Variants in RAB3GAP1 observed in about 807,000 individuals in gnomAD.
RAB3GAP1 encodes RAB3 GTPase activating protein catalytic subunit 1.
A neutral mutation model predicts 130.7 loss-of-function variants in RAB3GAP1; 86 were observed. The ratio of observed to expected loss-of-function variants is 0.66; its 90% CI spans 0.55 to 0.79. The LOEUF is 0.79. Ranked by LOEUF, RAB3GAP1 falls within the 30% of genes least tolerant of loss-of-function variation. The pLI, the probability that RAB3GAP1 is intolerant of heterozygous loss-of-function variation, is 0.00. For missense variants in RAB3GAP1, 1,029 were observed against 1,169.4 expected (o/e 0.88, Z 1.75); for synonymous variants, 367 against 401.7 (o/e 0.91, Z 1.03).
At chr2:135,106,597 C>A (rs1690628288) in intron 5 of RAB3GAP1, among the ~76,000 whole-genome samples, 1 of 151,794 alleles carries the variant, frequency 6.6e-6, no homozygotes. Context: ...TCTCAAGTAT[C>A]CAGGGACACA....
intron 3 of RAB3GAP1, chr2:135,058,787 A>G (rs1689090391): frequency 6.6e-6 from 1 of 152,180 alleles, no homozygotes; most frequent in Admixed American, 6.5e-5. Context: ...TTTTAAGTTT[A>G]TGTAGATGCT....
At chr2:135,131,441 A>G (rs1485522380) in intron 13 of RAB3GAP1, among the ~76,000 whole-genome samples, 1 of 152,130 alleles carries the variant, frequency 6.6e-6, no homozygotes. Flanking sequence ...CGTGTTAGCC[A>G]GGATGGTCTC....
intron 11 of RAB3GAP1, among the ~76,000 whole-genome samples, chr2:135,128,511 T>C (rs1399649518): frequency 6.6e-6 from 1 of 152,224 alleles, no homozygotes; most frequent in Admixed American, 6.5e-5. Context: ...TTACTACATA[T>C]TATGTTTACG....
chr2:135,147,979 A>G (rs1260189796), intron 17 of RAB3GAP1, among the ~76,000 whole-genome samples: 1 of 59,954 alleles, frequency 1.7e-5, no homozygotes, highest in East Asian at 1.3e-3. Flanking sequence ...ATTTTTCTTC[A>G]AAAGGCTGTG....
intron 5 of RAB3GAP1, among the ~76,000 whole-genome samples, chr2:135,107,975 CAAAAAAAAA>C (rs59782185): frequency 9.6e-5 from 5 of 51,954 alleles, no homozygotes; most frequent in African/African-American, 2.8e-4. Context: ...AACTCCATCT[CAAAAAAAAA>C]AAAAAAAAAA....
chr2:135,120,836 A>C lies in RAB3GAP1; in HGVS notation c.666A>C (p.Pro222=). The change falls in exon 8 of 24, where the codon CCA becomes CCC. Residue 222 remains proline, a synonymous_variant. Transcript: ENST00000264158. ...FKSKIGCPLT[P]LPPVSIAIRF... ...TTTCCTAGGGATGTCCTTTAACTCC[A>C]TTGCCTCCAGTTAGTATTGCTATTC... The C allele has an allele frequency of 6.2e-7, 1 of 1,611,204 alleles. No individual in the cohort carries two copies. The highest frequency in any genetic ancestry group is 1.7e-5 in the Admixed American group (1 of 60,014).
chr2:135,157,789 G>A (rs543089006), intron 19 of RAB3GAP1, among the ~76,000 whole-genome samples: 160 of 146,428 alleles, frequency 1.1e-3, no homozygotes, highest in African/African-American at 2.9e-3. Flanking sequence ...CCGAGATCGT[G>A]TCACTGCACT....
intron 3 of RAB3GAP1, among the ~76,000 whole-genome samples, chr2:135,063,445 A>G (rs1401661462): frequency 6.6e-6 from 1 of 152,010 alleles, no homozygotes; most frequent in Non-Finnish European, 1.5e-5. Context: ...CATCAGCTCA[A>G]ACTGAAACTA....
chr2:135,095,312 C>T (rs1016217410), intron 5 of RAB3GAP1, among the ~76,000 whole-genome samples: 7 of 152,076 alleles, frequency 4.6e-5, no homozygotes, highest in South Asian at 2.1e-4. Flanking sequence ...CCTCCCAAAG[C>T]GCTGGGATTA....
intron 7 of RAB3GAP1, among the ~76,000 whole-genome samples, chr2:135,116,865 A>G (rs887018095): frequency 6.6e-6 from 1 of 152,130 alleles, no homozygotes; most frequent in Non-Finnish European, 1.5e-5. Flanking sequence ...AGGTTTGAGA[A>G]TTTTCAAAAG....
At chr2:135,146,925 G>T (rs1056869189) in intron 17 of RAB3GAP1, among the ~76,000 whole-genome samples, 2 of 151,672 alleles carry the variant, frequency 1.3e-5, no homozygotes, top group Non-Finnish European at 2.9e-5. Flanking sequence ...CTGAGGTGAT[G>T]AATACATTCA....
downstream of RAB3GAP1, among the ~76,000 whole-genome samples, chr2:135,172,019 T>A (rs1321946674): frequency 6.6e-6 from 1 of 152,020 alleles, no homozygotes; most frequent in Non-Finnish European, 1.5e-5. Context: ...GGAAAGAAAG[T>A]TGCACACGTG....
intron 3 of RAB3GAP1, among the ~76,000 whole-genome samples, chr2:135,065,579 G>A (rs1689294635): frequency 6.6e-6 from 1 of 151,962 alleles, no homozygotes; most frequent in South Asian, 2.1e-4. Flanking sequence ...ATCATTATTT[G>A]TAATGAATTA....
chr2:135,060,655 C>T (rs544109996), intron 3 of RAB3GAP1, among the ~76,000 whole-genome samples: 2 of 151,740 alleles, frequency 1.3e-5, no homozygotes, highest in African/African-American at 4.8e-5. Context: ...CCTTAGTGAC[C>T]CTTTCTAGTT....
Position 135,115,331 on chromosome 2 carries a change from A to G in RAB3GAP1, c.598A>G (p.Asn200Asp). 2 of 1,613,870 alleles carry G rather than the reference A, an allele frequency of 1.2e-6. No individual in the cohort carries two copies. Among genetic ancestry groups the G allele is most frequent in the South Asian group, 2.2e-5 (2 of 91,078 alleles). ...FEMVHLRKVP[N>D]QYTHLSGLLD... ...AATGGTTCATCTTAGAAAAGTGCCA[A>G]ATCAGTACACTCACTTATCAGGTCT... Residue 200 changes from asparagine (N) to aspartate (D), a missense_variant, in exon 7 of 24, where the codon AAT becomes GAT. Physicochemically the swap from Asn to Asp is conservative, Grantham distance 23. Coordinates refer to ENST00000264158, the MANE Select transcript of RAB3GAP1 (RefSeq NM_012233.3).
intron 5 of RAB3GAP1, among the ~76,000 whole-genome samples, chr2:135,106,326 G>A (rs1690617832): frequency 6.6e-6 from 1 of 152,240 alleles, no homozygotes. Flanking sequence ...AGGGGGAAAT[G>A]TGGGGAAACG....
intron 3 of RAB3GAP1, among the ~76,000 whole-genome samples, chr2:135,066,458 A>G (rs1018741414): frequency 2.3e-4 from 35 of 152,202 alleles, no homozygotes; most frequent in African/African-American, 7.7e-4. Context: ...TATTTTATGG[A>G]GGAGAAATAA....
downstream of RAB3GAP1, among the ~76,000 whole-genome samples, chr2:135,171,432 TAGA>T (rs1478005118): frequency 6.6e-6 from 1 of 152,096 alleles, no homozygotes; most frequent in Non-Finnish European, 1.5e-5. Context: ...GTCTGCTCCT[TAGA>T]AGAAAGGTGG....
intron 23 of RAB3GAP1, among the ~76,000 whole-genome samples, chr2:135,165,494 C>T (rs756105234): frequency 1.1e-4 from 17 of 150,742 alleles, no homozygotes; most frequent in South Asian, 2.1e-4. Context: ...TGTGTCTACA[C>T]GTGGAATAAC....
Sources: gnomAD v4.1 joint callset for allele counts (sites outside exome capture counted in the v4.1 genomes callset) on GRCh38, gnomAD v4.1.1 for gene constraint, MANE v1.5 for transcripts, NCBI Gene and HGNC (gene_info 2026-07-23, HGNC 2026-07-21) for gene names.